Variants in THSD4 observed in about 807,000 individuals in gnomAD.
The protein encoded by THSD4 is thrombospondin type-1 domain-containing protein 4.
THSD4 carries 69 observed loss-of-function variants against 119.0 expected under a neutral mutation model. The observed-to-expected ratio is 0.58, with a 90% CI of 0.48 to 0.71. THSD4 has a LOEUF of 0.71. THSD4 is among the 30% of genes least tolerant of loss of function. The pLI, the probability that THSD4 is intolerant of heterozygous loss-of-function variation, is 0.00. For missense variants in THSD4, 1,393 were observed against 1,391.1 expected (o/e 1.00, Z -0.02); for synonymous variants, 524 against 540.4 (o/e 0.97, Z 0.42).
In THSD4 at chr15:71,215,202, C is replaced by T; in HGVS notation, c.267C>T (p.Gly89=). ...PCLPRSYRLR[G]GQRPGAPARA... ...TGCCCCGCTCCTACCGCCTGCGCGG[C>T]GGCCAGCGGCCTGGCGCCCCTGCGC... Residue 89 remains glycine (G), a synonymous_variant, in exon 4 of 18, where the codon GGC becomes GGT. Coordinates refer to ENST00000261862, the MANE Select transcript of THSD4 (RefSeq NM_024817.3). 2 of 1,356,842 alleles carry T rather than the reference C, an allele frequency of 1.5e-6. No homozygotes were observed. The highest frequency in any genetic ancestry group is 3.5e-5 in the South Asian group (2 of 57,770). 84.1% of individuals were successfully genotyped at this position (1,356,842 alleles called of 1,614,324 possible).
At chr15:71,588,777 G>T (rs1392377817) in intron 7 of THSD4, among the ~76,000 whole-genome samples, 1 of 152,186 alleles carries the variant, frequency 6.6e-6, no homozygotes, top group Non-Finnish European at 1.5e-5. Flanking sequence ...GCAGTATGGG[G>T]CTGGGGTAGC....
At chr15:71,685,724 A>T (rs1487964455) in intron 8 of THSD4, among the ~76,000 whole-genome samples, 1 of 152,142 alleles carries the variant, frequency 6.6e-6, no homozygotes, top group African/African-American at 2.4e-5. Context: ...TTCTCCTTTG[A>T]TACTATACCA....
At chr15:71,375,952 G>A (rs1477780583) in intron 6 of THSD4, among the ~76,000 whole-genome samples, 2 of 152,156 alleles carry the variant, frequency 1.3e-5, no homozygotes, top group Non-Finnish European at 2.9e-5. Flanking sequence ...CTATGACTCT[G>A]TATTATTTAT....
intron 6 of THSD4, among the ~76,000 whole-genome samples, chr15:71,397,185 G>A (rs2046465157): frequency 6.6e-6 from 1 of 152,078 alleles, no homozygotes; most frequent in Admixed American, 6.6e-5. Flanking sequence ...TGTGTGCTTC[G>A]TGGTCCTGGC....
chr15:71,463,102 GTTTT>G (rs759007933), intron 7 of THSD4, among the ~76,000 whole-genome samples: 126 of 152,202 alleles, frequency 8.3e-4, no homozygotes, highest in Admixed American at 2.0e-3. Flanking sequence ...CATGTCGTTG[GTTTT>G]TTGAACCTAA....
intron 7 of THSD4, among the ~76,000 whole-genome samples, chr15:71,656,856 C>T (rs969536536): frequency 2.6e-5 from 4 of 152,008 alleles, no homozygotes; most frequent in Admixed American, 1.3e-4. Flanking sequence ...TATATGTTTC[C>T]GAGGACCTAG....
chr15:71,101,889 A>G (rs2040255132), intron 1 of THSD4, among the ~76,000 whole-genome samples: 1 of 151,190 alleles, frequency 6.6e-6, no homozygotes, highest in Admixed American at 6.6e-5. Flanking sequence ...AATTTTTTGT[A>G]TTTTCGTAGA....
intron 8 of THSD4, among the ~76,000 whole-genome samples, chr15:71,677,665 C>T (rs1217824839): frequency 2.0e-5 from 3 of 152,200 alleles, no homozygotes; most frequent in African/African-American, 7.2e-5. Flanking sequence ...GCCCCACCCC[C>T]TTCTGCTGAT....
At chr15:71,367,833 G>C (rs1449402146) in intron 6 of THSD4, among the ~76,000 whole-genome samples, 3 of 152,172 alleles carry the variant, frequency 2.0e-5, no homozygotes, top group Admixed American at 6.5e-5. Context: ...GGTATTTCTA[G>C]TTTTAGATCC....
chr15:71,410,464 A>T (rs1260085172), intron 6 of THSD4, among the ~76,000 whole-genome samples: 1 of 152,206 alleles, frequency 6.6e-6, no homozygotes, highest in African/African-American at 2.4e-5. Context: ...GGGAAGGAAC[A>T]GTTAAGCAAC....
intron 11 of THSD4, among the ~76,000 whole-genome samples, chr15:71,738,784 G>A (rs1416110916): frequency 6.6e-6 from 1 of 152,074 alleles, no homozygotes; most frequent in Non-Finnish European, 1.5e-5. Flanking sequence ...TCCCACATGA[G>A]TGACACTAGC....
intron 7 of THSD4, among the ~76,000 whole-genome samples, chr15:71,657,159 C>G (rs978398493): frequency 1.3e-5 from 2 of 152,186 alleles, no homozygotes; most frequent in Non-Finnish European, 2.9e-5. Flanking sequence ...ATGTGTATGT[C>G]TGATTGCTCC....
intron 6 of THSD4, among the ~76,000 whole-genome samples, chr15:71,363,362 A>T: frequency 6.6e-6 from 1 of 152,170 alleles, no homozygotes; most frequent in Admixed American, 6.5e-5. Context: ...TGGCTGTTAT[A>T]TTCCCTTTTT....
At position 71,779,719 on chromosome 15, in the gene THSD4, T is replaced by G. The variant is rs2053969049; in HGVS notation, c.*2345T>G. On this transcript the variant is annotated 3_prime_UTR_variant, in exon 18 of 18. Transcript: ENST00000261862. ...TGCCCTATGGCTGCTGAAGGTTACC[T>G]AACCATTCTTTAAAAGGAGAATGAC... 6.6e-6 allele frequency: 1 copy of G among 152,152 alleles called. No individual in the cohort carries two copies. The highest frequency in any genetic ancestry group is 2.1e-4 in the South Asian group (1 of 4,822). 9.4% of individuals were successfully genotyped at this position (152,152 alleles called of 1,614,324 possible). A position where few individuals can be genotyped will look rare whatever the true frequency, so the allele number is the denominator to read the frequency against.
intron 3 of THSD4, among the ~76,000 whole-genome samples, chr15:71,163,559 A>G (rs2043265507): frequency 6.6e-6 from 1 of 152,152 alleles, no homozygotes; most frequent in African/African-American, 2.4e-5. Flanking sequence ...ATTCAAATAA[A>G]TTGAATAATT....
chr15:71,231,574 G>C (rs892770508), intron 4 of THSD4, among the ~76,000 whole-genome samples: 1 of 152,070 alleles, frequency 6.6e-6, no homozygotes, highest in Non-Finnish European at 1.5e-5. Flanking sequence ...ATTCCTTCCT[G>C]TGGCCATACC....
rs550481193 is a variant in THSD4 at position 71,150,734 on chromosome 15, T to C, written c.30-4129T>C. Among the ~76,000 whole-genome samples the C allele has an allele frequency of 1.4e-4, 21 of 152,314 alleles. 1 individual carries two copies. The South Asian group carries it at 3.9e-3, about 29-fold the overall frequency. On this transcript the variant is annotated intron_variant, in intron 2 of 17. Transcript: ENST00000261862. ...GATGGTTTTTTGGAGAGGGGTAACA[T>C]AGAAATTCAAAAGCAGAACTGATTT...
chr15:71,569,868 C>T (rs945036973), intron 7 of THSD4, among the ~76,000 whole-genome samples: 2 of 152,120 alleles, frequency 1.3e-5, no homozygotes, highest in Non-Finnish European at 2.9e-5. Context: ...GTGGTGTGTG[C>T]CTGTAATTCT....
intron 8 of THSD4, among the ~76,000 whole-genome samples, chr15:71,665,179 T>C (rs146205474): frequency 6.6e-6 from 1 of 152,334 alleles, no homozygotes; most frequent in East Asian, 1.9e-4. Flanking sequence ...TTTTTATTAA[T>C]AGCCATTCTG....
Sources: gnomAD v4.1 joint callset for allele counts (sites outside exome capture counted in the v4.1 genomes callset) on GRCh38, gnomAD v4.1.1 for gene constraint, MANE v1.5 for transcripts, NCBI Gene and HGNC (gene_info 2026-07-23, HGNC 2026-07-21) for gene names.